The following LGSN variants were observed in gnomAD, a reference collection of about 807,000 sequenced individuals.
LGSN encodes the protein lengsin.
In LGSN, 21 loss-of-function variants were observed where a neutral mutation model predicts 19.5. That is an observed-to-expected ratio of 1.07 (90% confidence interval 0.76 to 1.55). The LOEUF is 1.55. Among genes scored for constraint, LGSN ranks in the 40% most tolerant of loss-of-function variants. LGSN has a pLI of 0.00. For synonymous variants in LGSN, 257 were observed against 215.6 expected (o/e 1.19, Z -1.68); for missense variants, 673 against 608.5 (o/e 1.11, Z -1.12).
chr6:63,461,970 T>C, the LGSN span, among the ~76,000 whole-genome samples: 10,313 of 152,184 alleles, frequency 0.068, 1,080 homozygotes, highest in African/African-American at 0.22. Context: ...TCATTTTTTT[T>C]CTCCTGTATG....
At position 63,277,941 on chromosome 6, in the gene LGSN, G is replaced by T. The variant is rs1173342324; in HGVS notation, c.*2080C>A. 3.9e-5 allele frequency: 6 copies of T among 152,314 alleles called. No individual in the cohort carries two copies. The highest frequency in any genetic ancestry group is 3.9e-4 in the Admixed American group (6 of 15,276). The allele number at this position is 152,314 out of a possible 1,614,324, so 9.4% of individuals were successfully genotyped here. The stretch of plus-strand genomic sequence containing the variant: ...CTCTACTAAAAGGCCAGGCATGGTA[G>T]CAGGCACCTGGGATCCCAGCTACTT... On this transcript the variant is annotated 3_prime_UTR_variant, in exon 4 of 4. Coordinates refer to ENST00000370657, the MANE Select transcript of LGSN (RefSeq NM_016571.3).
At chr6:63,436,139 C>G in the LGSN span, among the ~76,000 whole-genome samples, 1 of 152,172 alleles carries the variant, frequency 6.6e-6, no homozygotes, top group Non-Finnish European at 1.5e-5. Context: ...TAAAGTAGCC[C>G]TACCACCATC....
chr6:63,553,726 T>C, the LGSN span, among the ~76,000 whole-genome samples: 63 of 152,256 alleles, frequency 4.1e-4, no homozygotes, highest in African/African-American at 1.5e-3. Context: ...GCAGGAAAGG[T>C]AAATTATGAT....
chr6:63,484,690 C>A, the LGSN span, among the ~76,000 whole-genome samples: 1 of 152,214 alleles, frequency 6.6e-6, no homozygotes, highest in African/African-American at 2.4e-5. Flanking sequence ...TGCAGTTCTG[C>A]ATTCTAGACC....
the LGSN span, among the ~76,000 whole-genome samples, chr6:63,407,486 A>G: frequency 6.6e-6 from 1 of 152,218 alleles, no homozygotes. Flanking sequence ...ACAGCGCTTC[A>G]TGCTAAAAAC....
chr6:63,489,132 C>G, the LGSN span, among the ~76,000 whole-genome samples: 1 of 152,192 alleles, frequency 6.6e-6, no homozygotes, highest in South Asian at 2.1e-4. Flanking sequence ...TAAAATATAA[C>G]CATTTTAGAT....
the LGSN span, among the ~76,000 whole-genome samples, chr6:63,328,234 A>G: frequency 2.0e-5 from 3 of 152,124 alleles, no homozygotes; most frequent in African/African-American, 7.2e-5. Context: ...TTCCATTGGT[A>G]TATAGGTTAA....
chr6:63,463,227 A>G, the LGSN span, among the ~76,000 whole-genome samples: 1 of 152,252 alleles, frequency 6.6e-6, no homozygotes, highest in Non-Finnish European at 1.5e-5. Context: ...GGATTAAATG[A>G]GTGAATATAT....
At chr6:63,490,749 T>A in the LGSN span, among the ~76,000 whole-genome samples, 1 of 151,954 alleles carries the variant, frequency 6.6e-6, no homozygotes, top group African/African-American at 2.4e-5. Context: ...ACCAAAAGGG[T>A]ATCATGCCTA....
intron 1 of LGSN, among the ~76,000 whole-genome samples, chr6:63,305,143 GTTTT>G (rs375279433): frequency 6.6e-6 from 1 of 151,476 alleles, no homozygotes; most frequent in Non-Finnish European, 1.5e-5. Flanking sequence ...AAACAGTACA[GTTTT>G]TTTTTCTTCT....
At chr6:63,325,406 G>T in the LGSN span, among the ~76,000 whole-genome samples, 3 of 152,060 alleles carry the variant, frequency 2.0e-5, no homozygotes, top group Non-Finnish European at 4.4e-5. Context: ...AATGGAAAAG[G>T]AGACATAACT....
the LGSN span, chr6:63,441,435 C>T: frequency 1.1e-5 from 5 of 452,222 alleles, no homozygotes; most frequent in Admixed American, 2.6e-5. Context: ...CTCTGGATCC[C>T]GGCCTGGCCA....
At chr6:63,499,249 TC>T in the LGSN span, among the ~76,000 whole-genome samples, 1 of 152,092 alleles carries the variant, frequency 6.6e-6, no homozygotes, top group Non-Finnish European at 1.5e-5. Flanking sequence ...ATACATGGCC[TC>T]CCATTGGAAG....
At chr6:63,560,157 G>C in the LGSN span, among the ~76,000 whole-genome samples, 15 of 151,788 alleles carry the variant, frequency 9.9e-5, no homozygotes, top group Admixed American at 9.2e-4. Context: ...GGCAAACATG[G>C]GGAAACCCCG....
chr6:63,524,623 C>T, the LGSN span, among the ~76,000 whole-genome samples: 2 of 152,066 alleles, frequency 1.3e-5, no homozygotes, highest in Non-Finnish European at 2.9e-5. Context: ...AAACAGAAGC[C>T]TTGGATGAGA....
chr6:63,553,717 C>T, the LGSN span, among the ~76,000 whole-genome samples: 1 of 152,036 alleles, frequency 6.6e-6, no homozygotes, highest in South Asian at 2.1e-4. Flanking sequence ...TGTATAGGAG[C>T]AGGAAAGGTA....
chr6:63,322,094 T>C (rs1007079327), upstream of LGSN, among the ~76,000 whole-genome samples: 17 of 152,210 alleles, frequency 1.1e-4, no homozygotes, highest in Non-Finnish European at 1.6e-4. Flanking sequence ...GGAAACAATA[T>C]GTTGTTTACC....
the LGSN span, among the ~76,000 whole-genome samples, chr6:63,453,853 T>G: frequency 6.6e-6 from 1 of 151,972 alleles, no homozygotes; most frequent in East Asian, 1.9e-4. Context: ...AGACAGGGTT[T>G]CACTGTGTCA....
At chr6:63,337,215 G>A in the LGSN span, among the ~76,000 whole-genome samples, 1 of 151,920 alleles carries the variant, frequency 6.6e-6, no homozygotes, top group East Asian at 2.0e-4. Flanking sequence ...GAGCCACTGT[G>A]CCTGGCCTGA....
Sources: allele counts gnomAD v4.1 joint callset (sites outside exome capture counted in the v4.1 genomes callset), GRCh38; gene constraint gnomAD v4.1.1; transcripts MANE v1.5; gene names NCBI Gene and HGNC (gene_info 2026-07-23, HGNC 2026-07-21).